The following RGPD3 variants were observed in gnomAD, a reference collection of about 807,000 sequenced individuals.
The protein encoded by RGPD3 is RANBP2 like and GRIP domain containing 3, also known as ranBP2-like and GRIP domain-containing protein 3.
In RGPD3, 62 loss-of-function variants were observed where a neutral mutation model predicts 154.5. The ratio of observed to expected loss-of-function variants is 0.40; its 90% confidence interval spans 0.33 to 0.50. The LOEUF (loss-of-function observed/expected upper bound fraction) is 0.50, where lower values mean the gene tolerates loss of function less well. Among genes scored for constraint, RGPD3 ranks in the 20% least tolerant of loss-of-function variants. The pLI is 0.59. For synonymous variants in RGPD3, 308 were observed against 607.0 expected, an observed-to-expected ratio of 0.51 and a Z score of 7.24; for missense variants, 919 against 1,716.8, an observed-to-expected ratio of 0.54 and a Z score of 8.21.
chr2:106,406,951 C>A (rs1230179471), intron 22 of RGPD3, among the ~76,000 whole-genome samples: 1 of 152,014 alleles, frequency 6.6e-6, no homozygotes, highest in Non-Finnish European at 1.5e-5. Flanking sequence ...CAATCTGCTG[C>A]GTAACAAATT....
At chr2:106,467,758 G>A (rs560580918) in intron 1 of RGPD3, among the ~76,000 whole-genome samples, 3 of 141,350 alleles carry the variant, frequency 2.1e-5, no homozygotes, top group Non-Finnish European at 4.6e-5. Flanking sequence ...AGCGCCCGTC[G>A]GGAGCCATGA....
intron 6 of RGPD3, among the ~76,000 whole-genome samples, chr2:106,450,505 T>C (rs1187233877): frequency 6.7e-6 from 1 of 148,804 alleles, no homozygotes; most frequent in Non-Finnish European, 1.5e-5. Context: ...TCCATTCCCA[T>C]GGTCATCTCC....
intron 1 of RGPD3, among the ~76,000 whole-genome samples, chr2:106,467,722 C>A (rs1401480216): frequency 7.2e-6 from 1 of 138,674 alleles, no homozygotes; most frequent in Non-Finnish European, 1.6e-5. Flanking sequence ...TCGAGGCCGC[C>A]GCCTCAACAG....
chr2:106,444,923 G>A (rs1358148588), intron 7 of RGPD3, among the ~76,000 whole-genome samples: 11 of 127,862 alleles, frequency 8.6e-5, no homozygotes, highest in South Asian at 2.8e-4. Flanking sequence ...CTACGATTAC[G>A]CAACTGCACT....
chr2:106,435,766 T>C (rs1677527400), intron 12 of RGPD3, among the ~76,000 whole-genome samples: 1 of 148,912 alleles, frequency 6.7e-6, no homozygotes, highest in African/African-American at 2.4e-5. Flanking sequence ...GCTGACCATC[T>C]ACACCTAATG....
chr2:106,420,545 A>C (rs957705513), intron 20 of RGPD3, among the ~76,000 whole-genome samples: 5 of 152,228 alleles, frequency 3.3e-5, no homozygotes, highest in Non-Finnish European at 5.9e-5. Flanking sequence ...CAAGGTGGCT[A>C]GTCCAAATCA....
intron 8 of RGPD3, among the ~76,000 whole-genome samples, chr2:106,440,628 A>AGT (rs1199530936): frequency 8.6e-6 from 1 of 116,776 alleles, no homozygotes; most frequent in Admixed American, 9.2e-5. Flanking sequence ...CAAAGCTTAT[A>AGT]ATAACTTTGA....
intron 9 of RGPD3, among the ~76,000 whole-genome samples, chr2:106,438,158 T>C (rs1677629611): frequency 6.6e-6 from 1 of 151,686 alleles, no homozygotes; most frequent in African/African-American, 2.4e-5. Context: ...GAACTCCTGA[T>C]CTCAGGTGAT....
intron 22 of RGPD3, among the ~76,000 whole-genome samples, chr2:106,412,527 C>G (rs1299393453): frequency 2.0e-5 from 3 of 151,300 alleles, no homozygotes; most frequent in Non-Finnish European, 4.4e-5. Context: ...CCAGGATGGT[C>G]TCGGTATCTT....
intron 1 of RGPD3, among the ~76,000 whole-genome samples, chr2:106,461,810 A>G (rs199560450): frequency 4.0e-5 from 6 of 151,740 alleles, no homozygotes; most frequent in Admixed American, 6.6e-5. Context: ...CAGCACTGGC[A>G]ACAGAGCAAG....
At chr2:106,409,742 G>A (rs928868148) in intron 22 of RGPD3, among the ~76,000 whole-genome samples, 234 of 150,974 alleles carry the variant, frequency 1.5e-3, no homozygotes, top group Non-Finnish European at 2.9e-3. Context: ...TATTATCTGT[G>A]CTGTATTCTT....
intron 1 of RGPD3, 44 bp downstream of exon 1, chr2:106,468,173 G>T: frequency 6.4e-7 from 1 of 1,565,926 alleles, no homozygotes; most frequent in Non-Finnish European, 8.6e-7. Context: ...CGAGGCCGCC[G>T]CCCGGCCAGG....
upstream of RGPD3, among the ~76,000 whole-genome samples, chr2:106,470,446 C>T (rs998741659): frequency 6.6e-6 from 1 of 152,202 alleles, no homozygotes; most frequent in Admixed American, 6.5e-5. Context: ...GCCATGTCCT[C>T]CCATTGGATG....
intron 1 of RGPD3, among the ~76,000 whole-genome samples, chr2:106,463,372 G>A (rs1421969602): frequency 3.3e-5 from 5 of 152,372 alleles, no homozygotes; most frequent in African/African-American, 1.2e-4. Flanking sequence ...CTACTCAGGA[G>A]GCTGAGGCAG....
At chr2:106,416,228 C>T (rs1215741417) in intron 20 of RGPD3, among the ~76,000 whole-genome samples, 1 of 147,866 alleles carries the variant, frequency 6.8e-6, no homozygotes, top group South Asian at 2.3e-4. Flanking sequence ...CTATGAGTCC[C>T]AGTTCTGAAA....
intron 20 of RGPD3, among the ~76,000 whole-genome samples, chr2:106,422,667 C>A (rs62155247): frequency 0.11 from 10,674 of 98,894 alleles, no homozygotes; most frequent in Non-Finnish European, 0.13. Flanking sequence ...TAGGAGTGAG[C>A]CACCGTGCCC....
intron 21 of RGPD3, among the ~76,000 whole-genome samples, chr2:106,414,336 A>C (rs1290759591): frequency 6.6e-6 from 1 of 152,216 alleles, no homozygotes; most frequent in African/African-American, 2.4e-5. Context: ...TGAAAATATA[A>C]CATTTGGCCA....
upstream of RGPD3, chr2:106,470,878 T>G (rs1267461973): frequency 2.8e-5 from 45 of 1,598,856 alleles, 1 homozygote; most frequent in Non-Finnish European, 3.8e-5. Context: ...GGCCGAGGCA[T>G]TGTGTTGGAC....
At chr2:106,426,801 C>A (rs1180263033) in intron 18 of RGPD3, among the ~76,000 whole-genome samples, 3 of 152,234 alleles carry the variant, frequency 2.0e-5, no homozygotes, top group Non-Finnish European at 4.4e-5. Flanking sequence ...CATGCCTGTA[C>A]ATGGAAGAAG....
Sources: gnomAD v4.1 joint callset for allele counts (sites outside exome capture counted in the v4.1 genomes callset) on GRCh38, gnomAD v4.1.1 for gene constraint, MANE v1.5 for transcripts, NCBI Gene and HGNC (gene_info 2026-07-23, HGNC 2026-07-21) for gene names.